The following SYCP2 variants were observed in gnomAD, a reference collection of about 807,000 sequenced individuals.
SYCP2 encodes synaptonemal complex lateral element protein.
A neutral mutation model predicts 211.3 loss-of-function variants in SYCP2; 55 were observed. The observed-to-expected ratio is 0.26, with a 90% confidence interval of 0.21 to 0.33. SYCP2 has a LOEUF of 0.33. Ranked by LOEUF, SYCP2 falls within the 10% of genes least tolerant of loss-of-function variation. The pLI is 1.00. For synonymous variants in SYCP2, 570 were observed against 555.2 expected, an observed-to-expected ratio of 1.03 and a Z score of -0.37; for missense variants, 1,731 against 1,752.0, an observed-to-expected ratio of 0.99 and a Z score of 0.21.
At chr20:59,913,185 T>C (rs186061217) in intron 12 of SYCP2, among the ~76,000 whole-genome samples, 39 of 147,576 alleles carry the variant, frequency 2.6e-4, no homozygotes, top group African/African-American at 7.5e-4. Flanking sequence ...CTATTTTACA[T>C]AGTTAGCATA....
At chr20:59,886,293 T>C (rs1451837142) in intron 25 of SYCP2, among the ~76,000 whole-genome samples, 2 of 151,688 alleles carry the variant, frequency 1.3e-5, no homozygotes, top group Non-Finnish European at 2.9e-5. Context: ...AATAGACATT[T>C]TGTAATAAAC....
intron 35 of SYCP2, among the ~76,000 whole-genome samples, chr20:59,872,957 A>G (rs2059483098): frequency 6.6e-6 from 1 of 152,128 alleles, no homozygotes; most frequent in East Asian, 1.9e-4. Context: ...TTTAACAGGT[A>G]AATGGTAGGA....
intron 44 of SYCP2, 93 bp downstream of exon 44, chr20:59,865,295 G>T: frequency 1.0e-6 from 1 of 996,324 alleles, no homozygotes; most frequent in Non-Finnish European, 1.5e-6. Flanking sequence ...CAACCCAAAA[G>T]AAAAAGAAAG....
chr20:59,884,824 AAAG>A (rs2059754438), intron 26 of SYCP2, among the ~76,000 whole-genome samples: 1 of 152,122 alleles, frequency 6.6e-6, no homozygotes, highest in African/African-American at 2.4e-5. Context: ...CAGAAAATAC[AAAG>A]ATGATTCAAA....
chr20:59,867,638 C>T (rs1568901124), intron 39 of SYCP2, 73 bp downstream of exon 39: 5 of 1,330,572 alleles, frequency 3.8e-6, no homozygotes, highest in Non-Finnish European at 4.2e-6. Context: ...ATCAAACAAG[C>T]CAATGGTCTA....
chr20:59,890,566 ATAGGTAGGTAGGTAAGTAGGTAGG>A (rs2059886307), intron 24 of SYCP2, among the ~76,000 whole-genome samples: 1 of 151,104 alleles, frequency 6.6e-6, no homozygotes, highest in South Asian at 2.1e-4. Flanking sequence ...AAATAGGTAG[ATAGGTAGGTAGGTAAGTAGGTAGG>A]TAGGTAGGTA....
chr20:59,871,583 G>A (rs540812628), intron 35 of SYCP2, among the ~76,000 whole-genome samples: 26 of 151,960 alleles, frequency 1.7e-4, no homozygotes, highest in African/African-American at 6.0e-4. Flanking sequence ...ATACTGAAGG[G>A]ATTAAAGGAT....
At chr20:59,866,022 A>G (rs936772558) in intron 41 of SYCP2, among the ~76,000 whole-genome samples, 157 bp from the exon 42 acceptor site, 1 of 151,706 alleles carries the variant, frequency 6.6e-6, no homozygotes, top group East Asian at 1.9e-4. Context: ...TATATGTTAA[A>G]AATATTCCAG....
chr20:59,915,535 T>C lies in SYCP2; in HGVS notation c.529A>G (p.Asn177Asp). ...CIQQEIIKKM[N>D]AMLDKMPQDA... is the part of the protein sequence containing the mutation. Reference sequence around the variant, plus strand: ...TGAGGCATTTTGTCAAGCATAGCATTCATTTTTTTTATAATCTAGAAAAGA... The same window carrying C: ...TGAGGCATTTTGTCAAGCATAGCATCCATTTTTTTTATAATCTAGAAAAGA... The change falls in exon 9 of 45, where the codon AAT (asparagine) becomes GAT (aspartate). Residue 177 changes from asparagine to aspartate, a missense_variant. By Grantham distance (23) the Asn-to-Asp change is conservative. Transcript: ENST00000357552. 1.2e-6 allele frequency: 2 copies of C among 1,604,354 alleles called. No homozygotes were observed. The highest frequency in any genetic ancestry group is 1.7e-6 in the Non-Finnish European group (2 of 1,171,916).
rs1453186978 is a variant in SYCP2 at position 59,920,414 on chromosome 20, C to G, written c.242G>C (p.Ser81Thr). The change falls in exon 5 of 45, where the codon AGT (serine) becomes ACT (threonine). Residue 81 changes from serine (S) to threonine (T), a missense_variant. This residue lies in a region of SYCP2 where 335 missense variants were observed against 378.8 expected (regional missense o/e 0.88). Coordinates refer to ENST00000357552, the MANE Select transcript of SYCP2 (RefSeq NM_014258.4). ...TAGAAGTCCAGCTTGCCCCAATACA[C>G]TGATATTTTTGCCACATCTTCCAAC... ...VSVGRCGKNI[S>T]VLGQAGLLTM... The G allele has an allele frequency of 1.2e-6, 2 of 1,610,264 alleles. No homozygotes were observed. The highest frequency in any genetic ancestry group is 1.7e-6 in the Non-Finnish European group (2 of 1,177,554).
chr20:59,924,916 A>T (rs781773280), intron 2 of SYCP2, among the ~76,000 whole-genome samples: 10 of 152,036 alleles, frequency 6.6e-5, no homozygotes, highest in Non-Finnish European at 1.3e-4. Context: ...AATCTTTTCA[A>T]TTAATCTATA....
intron 33 of SYCP2, 127 bp downstream of exon 33, chr20:59,877,258 T>C (rs569800043): frequency 1.4e-6 from 1 of 719,104 alleles, no homozygotes; most frequent in South Asian, 4.5e-5. Flanking sequence ...AGAATTATTA[T>C]TTAAGTTTTG....
chr20:59,922,448 CAAAAT>C lies in SYCP2; in HGVS notation c.-40_-36del, dbSNP rs1842577197. The C allele has an allele frequency of 7.5e-7, 1 of 1,337,702 alleles. No individual in the cohort carries two copies. The highest frequency in any genetic ancestry group is 1.0e-6 in the Non-Finnish European group (1 of 966,702). The allele number at this position is 1,337,702 out of a possible 1,614,324, so 82.9% of individuals were successfully genotyped here. A position where few individuals can be genotyped will look rare whatever the true frequency, so the allele number is the denominator to read the frequency against. ...ATTTAAAAAAAAAAAAAAAGCAAGA[CAAAAT>C]AAACACCTATAAAAGAAAACATATA... On this transcript the variant is annotated 5_prime_UTR_variant, in exon 3 of 45. Coordinates refer to ENST00000357552, the MANE Select transcript of SYCP2 (RefSeq NM_014258.4).
In SYCP2 at chr20:59,900,415, T is replaced by C. The variant is rs538560905; in HGVS notation, c.1258-131A>G. ...TTTCCCTTTTCTATCCATGTGCTGTTATAATTTTTACAAAGTGATCCAATA... is the reference window on the plus strand; with the variant it reads ...TTTCCCTTTTCTATCCATGTGCTGTCATAATTTTTACAAAGTGATCCAATA... On this transcript the variant is annotated intron_variant, in intron 17 of 44. Transcript: ENST00000357552. 1.1e-4 allele frequency: 91 copies of C among 861,930 alleles called. No individual in the cohort carries two copies. In the African/African-American group the frequency reaches 1.5e-3, roughly 14 times the overall value. The allele number at this position is 861,930 out of a possible 1,614,324, so 53.4% of individuals were successfully genotyped here. A position where few individuals can be genotyped will look rare whatever the true frequency, so the allele number is the denominator to read the frequency against.
intron 15 of SYCP2, among the ~76,000 whole-genome samples, chr20:59,905,212 A>G (rs977966045): frequency 4.6e-5 from 7 of 152,332 alleles, no homozygotes; most frequent in Admixed American, 3.9e-4. Flanking sequence ...AGTTTCTTCA[A>G]AAGCTAATCA....
intron 8 of SYCP2, among the ~76,000 whole-genome samples, chr20:59,916,127 A>T (rs1296518477): frequency 6.6e-6 from 1 of 152,224 alleles, no homozygotes; most frequent in Non-Finnish European, 1.5e-5. Context: ...TATTTATTTT[A>T]ACTCCATTAT....
intron 20 of SYCP2, among the ~76,000 whole-genome samples, chr20:59,893,921 A>T (rs12480501): frequency 0.02 from 3,033 of 152,074 alleles, 213 homozygotes; most frequent in East Asian, 0.17. Context: ...TTGATTACAT[A>T]GCCTGCTTTA....
intron 14 of SYCP2, among the ~76,000 whole-genome samples, chr20:59,908,236 G>C (rs1014012862): frequency 1.4e-4 from 22 of 152,016 alleles, no homozygotes; most frequent in Admixed American, 1.3e-4. Context: ...GCAACAGAGG[G>C]AGACTCCATC....
chr20:59,872,267 G>T (rs2059466466), intron 35 of SYCP2, among the ~76,000 whole-genome samples: 1 of 151,818 alleles, frequency 6.6e-6, no homozygotes, highest in Non-Finnish European at 1.5e-5. Flanking sequence ...AATTCTGTGT[G>T]GTGCCATGAA....
Sources: allele counts gnomAD v4.1 joint callset (sites outside exome capture counted in the v4.1 genomes callset), GRCh38; gene constraint gnomAD v4.1.1; regional missense constraint gnomAD v4.1.1; transcripts MANE v1.5; gene names NCBI Gene and HGNC (gene_info 2026-07-23, HGNC 2026-07-21).